Variants in TENM1 observed in about 807,000 individuals in gnomAD.
TENM1 encodes the protein teneurin-1.
In TENM1, 35 loss-of-function variants were observed where a neutral mutation model predicts 174.8. That is an observed-to-expected ratio of 0.20 (90% CI 0.15 to 0.27). TENM1 has a LOEUF of 0.27. Ranked by LOEUF, TENM1 falls within the 10% of genes least tolerant of loss-of-function variation. TENM1 has a pLI of 1.00. For synonymous variants in TENM1, 781 were observed against 798.7 expected (o/e 0.98, Z 0.37); for missense variants, 1,633 against 2,130.1 (o/e 0.77, Z 4.59).
the TENM1 span, among the ~76,000 whole-genome samples, chrX:125,138,391 A>G: frequency 1.1e-3 from 126 of 111,469 alleles, 2 homozygotes; most frequent in East Asian, 0.028. Flanking sequence ...TGAATTTAAT[A>G]GAACATGGCT....
chrX:124,803,791 A>G (rs1433546295), intron 3 of TENM1, among the ~76,000 whole-genome samples: 1 of 112,172 alleles, frequency 8.9e-6, no homozygotes, highest in Non-Finnish European at 1.9e-5. Flanking sequence ...GACAATCAAT[A>G]TAATCCATAA....
the TENM1 span, among the ~76,000 whole-genome samples, chrX:125,002,871 T>C: frequency 8.9e-6 from 1 of 111,933 alleles, no homozygotes; most frequent in African/African-American, 3.2e-5. Flanking sequence ...AAGGGTCTCC[T>C]GGTTTTACTC....
intron 23 of TENM1, among the ~76,000 whole-genome samples, chrX:124,434,729 G>A (rs2060817042): frequency 8.9e-6 from 1 of 112,123 alleles, no homozygotes; most frequent in Non-Finnish European, 1.9e-5. Flanking sequence ...ACTACAGAAT[G>A]TCCTTCAGAC....
intron 16 of TENM1, among the ~76,000 whole-genome samples, chrX:124,525,026 G>A (rs753277068): frequency 4.7e-4 from 52 of 111,678 alleles, no homozygotes; most frequent in Admixed American, 3.7e-3. Context: ...CTTTTTCAAC[G>A]ATAAAAAGCC....
At chrX:125,146,537 T>C in the TENM1 span, among the ~76,000 whole-genome samples, 5 of 111,595 alleles carry the variant, frequency 4.5e-5, no homozygotes, top group Non-Finnish European at 7.5e-5. Context: ...GAACCACTTG[T>C]GTGTGTCAAT....
intron 3 of TENM1, among the ~76,000 whole-genome samples, chrX:124,768,273 G>A (rs1016429769): frequency 7.1e-5 from 8 of 112,025 alleles, no homozygotes; most frequent in Non-Finnish European, 1.5e-4. Context: ...AATATGGTAG[G>A]CTAAAGGATA....
chrX:124,795,750 G>A (rs908849290), intron 3 of TENM1, among the ~76,000 whole-genome samples: 1 of 109,648 alleles, frequency 9.1e-6, no homozygotes, highest in Non-Finnish European at 1.9e-5. Flanking sequence ...TGAGTATTCA[G>A]TATGTAATGT....
intron 3 of TENM1, among the ~76,000 whole-genome samples, chrX:124,763,105 C>T (rs1348563952): frequency 9.0e-6 from 1 of 111,423 alleles, no homozygotes; most frequent in Admixed American, 9.6e-5. Flanking sequence ...AGGGTAAGCA[C>T]ATGCATATTA....
At chrX:125,073,883 T>C in the TENM1 span, among the ~76,000 whole-genome samples, 3 of 111,861 alleles carry the variant, frequency 2.7e-5, no homozygotes. Context: ...CCAAAACAGA[T>C]TACTGAGATG....
At chrX:124,762,398 C>T (rs1402559658) in intron 3 of TENM1, among the ~76,000 whole-genome samples, 1 of 112,516 alleles carries the variant, frequency 8.9e-6, no homozygotes, top group Non-Finnish European at 1.9e-5. Context: ...CCATATCTTA[C>T]ATTCCATATT....
intron 14 of TENM1, among the ~76,000 whole-genome samples, chrX:124,556,635 A>C (rs1224731365): frequency 1.8e-5 from 2 of 110,362 alleles, no homozygotes; most frequent in African/African-American, 6.6e-5. Flanking sequence ...TACAGTTCTG[A>C]TTTGCCTCTT....
chrX:124,490,570 G>A (rs1223875384), intron 20 of TENM1, among the ~76,000 whole-genome samples: 1 of 111,943 alleles, frequency 8.9e-6, no homozygotes, highest in Non-Finnish European at 1.9e-5. Context: ...TGCTGGAAAA[G>A]AAACAGGAAA....
intron 11 of TENM1, among the ~76,000 whole-genome samples, chrX:124,626,168 G>A (rs1456034792): frequency 1.8e-5 from 2 of 110,687 alleles, no homozygotes; most frequent in African/African-American, 6.6e-5. Context: ...AGATTAGGGC[G>A]AGCTACTCCA....
At chrX:125,107,829 G>A in the TENM1 span, among the ~76,000 whole-genome samples, 2 of 111,729 alleles carry the variant, frequency 1.8e-5, no homozygotes, top group African/African-American at 3.3e-5. Flanking sequence ...AGAGAAAGAA[G>A]TACTCCATCC....
At chrX:124,576,190 G>GT (rs200481390) in intron 11 of TENM1, among the ~76,000 whole-genome samples, 3,946 of 111,007 alleles carry the variant, frequency 0.036, 78 homozygotes, top group African/African-American at 0.065. Context: ...CTCCTGAGTA[G>GT]CTAAGACTAC....
the TENM1 span, among the ~76,000 whole-genome samples, chrX:125,101,098 A>C: frequency 3.6e-5 from 4 of 111,849 alleles, no homozygotes; most frequent in Non-Finnish European, 7.5e-5. Context: ...AGATTCAATA[A>C]GTTAATGTAC....
chrX:124,683,531 A>ACCTG (rs1235207792), intron 5 of TENM1, among the ~76,000 whole-genome samples: 5 of 112,099 alleles, frequency 4.5e-5, no homozygotes, highest in Non-Finnish European at 7.5e-5. Context: ...GTAAGTACAT[A>ACCTG]AGAGAGAAAT....
At chrX:124,985,486 T>C in the TENM1 span, among the ~76,000 whole-genome samples, 1 of 112,230 alleles carries the variant, frequency 8.9e-6, no homozygotes, top group African/African-American at 3.2e-5. Flanking sequence ...TGTTGAGCGA[T>C]AAGTAGTCAT....
chrX:124,490,309 T>C (rs192610111), intron 20 of TENM1, among the ~76,000 whole-genome samples: 186 of 111,647 alleles, frequency 1.7e-3, no homozygotes, highest in Middle Eastern at 4.6e-3. Context: ...ACCTATTTCA[T>C]CTACACGTAG....
Sources: allele counts gnomAD v4.1 joint callset (sites outside exome capture counted in the v4.1 genomes callset), GRCh38; gene constraint gnomAD v4.1.1; transcripts MANE v1.5; gene names NCBI Gene and HGNC (gene_info 2026-07-23, HGNC 2026-07-21).